Variants in CCDC146 observed in about 807,000 individuals in gnomAD.
CCDC146 encodes coiled-coil domain containing 146.
Under a neutral mutation model 119.3 loss-of-function variants are expected in CCDC146, and 92 were observed. The ratio of observed to expected loss-of-function variants is 0.77; its 90% CI spans 0.65 to 0.92. The LOEUF is 0.92. CCDC146 is among the 40% of genes least tolerant of loss of function. The probability of loss-of-function intolerance (pLI) is 0.00; values close to 1 mark genes in which losing one functional copy is unlikely to be tolerated. For synonymous variants in CCDC146, 372 were observed against 371.8 expected (o/e 1.00, Z -0.01); for missense variants, 1,000 against 1,103.0 (o/e 0.91, Z 1.32).
chr7:77,256,183 T>G (rs1400101411), intron 5 of CCDC146, 150 bp from the exon 6 acceptor site: 1 of 564,376 alleles, frequency 1.8e-6, no homozygotes, highest in East Asian at 3.3e-5. Context: ...TTTAGCTTTA[T>G]GAGAAATCAT....
chr7:77,211,192 A>G (rs1792175429), intron 2 of CCDC146, among the ~76,000 whole-genome samples: 1 of 152,172 alleles, frequency 6.6e-6, no homozygotes, highest in South Asian at 2.1e-4. Flanking sequence ...CCCCTCTAAC[A>G]TAGCGACTAT....
At chr7:77,163,772 C>T (rs1252572157) in intron 1 of CCDC146, among the ~76,000 whole-genome samples, 1 of 151,166 alleles carries the variant, frequency 6.6e-6, no homozygotes, top group African/African-American at 2.4e-5. Flanking sequence ...TGTTGAAGCT[C>T]GTTAATGTGT....
intron 1 of CCDC146, among the ~76,000 whole-genome samples, chr7:77,148,853 T>G (rs1357914293): frequency 6.6e-6 from 1 of 151,830 alleles, no homozygotes; most frequent in African/African-American, 2.4e-5. Flanking sequence ...TGGAAAAACA[T>G]TCCATGCTCA....
chr7:77,182,493 C>G (rs1004294571), intron 2 of CCDC146, among the ~76,000 whole-genome samples: 2 of 152,006 alleles, frequency 1.3e-5, no homozygotes, highest in African/African-American at 4.8e-5. Context: ...GATTTGAGGC[C>G]AGGCGTGGTG....
At chr7:77,217,560 TATAGAG>T (rs1457208018) in intron 2 of CCDC146, among the ~76,000 whole-genome samples, 230 of 137,572 alleles carry the variant, frequency 1.7e-3, no homozygotes, top group Middle Eastern at 3.7e-3. Flanking sequence ...CATATATATA[TATAGAG>T]AGAGAGAGAG....
intron 2 of CCDC146, among the ~76,000 whole-genome samples, chr7:77,223,985 T>C (rs1282483745): frequency 1.3e-5 from 2 of 152,146 alleles, no homozygotes; most frequent in Admixed American, 1.3e-4. Context: ...ACTGAGATGC[T>C]TTAAAGGAAG....
At chr7:77,288,492 G>T (rs769254674) in intron 17 of CCDC146, among the ~76,000 whole-genome samples, 1 of 152,158 alleles carries the variant, frequency 6.6e-6, no homozygotes, top group Non-Finnish European at 1.5e-5. Context: ...GTCCGTGCAG[G>T]CACGGGACTC....
intron 13 of CCDC146, among the ~76,000 whole-genome samples, chr7:77,279,555 T>TGGGAGGC (rs1793724574): frequency 6.6e-6 from 1 of 152,236 alleles, no homozygotes; most frequent in Non-Finnish European, 1.5e-5. Context: ...ATTGTAGATG[T>TGGGAGGC]AAAGCATCTC....
intron 3 of CCDC146, among the ~76,000 whole-genome samples, chr7:77,239,990 T>C (rs1792813465): frequency 6.6e-6 from 1 of 152,244 alleles, no homozygotes; most frequent in African/African-American, 2.4e-5. Context: ...TGTAAATTTA[T>C]TTATATTCAT....
intron 2 of CCDC146, chr7:77,198,657 CAT>C (rs1213941463): frequency 6.5e-6 from 1 of 153,682 alleles, no homozygotes; most frequent in Non-Finnish European, 1.4e-5. Context: ...TTTGTGCACA[CAT>C]ATGAAACTGC....
intron 2 of CCDC146, among the ~76,000 whole-genome samples, chr7:77,189,544 A>G (rs1791726835): frequency 6.6e-6 from 1 of 152,128 alleles, no homozygotes; most frequent in Non-Finnish European, 1.5e-5. Flanking sequence ...CCTCTGCTCA[A>G]AACCCTTACG....
chr7:77,125,390 A>T (rs1790678857), intron 1 of CCDC146, among the ~76,000 whole-genome samples: 2 of 151,718 alleles, frequency 1.3e-5, no homozygotes, highest in Admixed American at 6.6e-5. Context: ...ACATAAAATT[A>T]TACTTTACAG....
intron 2 of CCDC146, among the ~76,000 whole-genome samples, chr7:77,192,714 G>A (rs1365424064): frequency 2.0e-5 from 3 of 152,104 alleles, no homozygotes; most frequent in African/African-American, 7.2e-5. Flanking sequence ...CACGAGGTCA[G>A]GAGATCGAGA....
intron 3 of CCDC146, 67 bp from the exon 4 acceptor site, chr7:77,241,623 AC>A: frequency 7.5e-7 from 1 of 1,338,064 alleles, no homozygotes. Flanking sequence ...TCCTCACTAG[AC>A]CCCCACAGGA....
At chr7:77,271,844 C>A (rs1793529102) in intron 9 of CCDC146, among the ~76,000 whole-genome samples, 1 of 152,062 alleles carries the variant, frequency 6.6e-6, no homozygotes, top group Non-Finnish European at 1.5e-5. Flanking sequence ...AGTGTCTAGA[C>A]CTCAAGCCAG....
chr7:77,212,693 TAATA>T lies in CCDC146; in HGVS notation c.157-24243_157-24240del, dbSNP rs1187750505. Among the ~76,000 whole-genome samples, 26 of 144,542 alleles carry T rather than the reference TAATA, an allele frequency of 1.8e-4. No individual in the cohort carries two copies. The East Asian group carries it at 4.9e-3, about 27-fold the overall frequency. 94.8% of individuals were successfully genotyped at this position (144,542 alleles called of 152,430 possible). On this transcript the variant is annotated intron_variant, in intron 2 of 18. Coordinates refer to ENST00000285871, the MANE Select transcript of CCDC146 (RefSeq NM_020879.3). ...GATATGTCTCAAATAAATAAACAAA[TAATA>T]AATAAATAAACAAAAAAGAAAAGAG...
At position 77,122,632 on chromosome 7, in the gene CCDC146, CTTCTT is replaced by C. The variant is rs1790638396; in HGVS notation, c.-111_-107del. On this transcript the variant is annotated 5_prime_UTR_variant, in exon 1 of 19. Coordinates refer to ENST00000285871, the MANE Select transcript of CCDC146 (RefSeq NM_020879.3). ...GTCACCTTGGATACCAAGGACGCGA[CTTCTT>C]GTTTGGAGAGGGTGGAGCTTTGGAG... is the stretch of plus-strand genomic sequence containing the variant. 1 of 211,772 alleles carries C rather than the reference CTTCTT, an allele frequency of 4.7e-6. No homozygotes were observed. The highest frequency in any genetic ancestry group is 9.8e-6 in the Non-Finnish European group (1 of 101,586). 13.1% of individuals were successfully genotyped at this position (211,772 alleles called of 1,614,324 possible). A position where few individuals can be genotyped will look rare whatever the true frequency, so the allele number is the denominator to read the frequency against.
At chr7:77,158,176 G>T (rs1446495479) in intron 1 of CCDC146, among the ~76,000 whole-genome samples, 16 of 152,052 alleles carry the variant, frequency 1.1e-4, no homozygotes, top group Admixed American at 1.0e-3. Context: ...ATGTGACAGA[G>T]AACTAGTTCT....
chr7:77,263,859 G>T (rs940545566), intron 9 of CCDC146, among the ~76,000 whole-genome samples: 1 of 152,198 alleles, frequency 6.6e-6, no homozygotes, highest in African/African-American at 2.4e-5. Context: ...GGGAGGCGGA[G>T]GTTGCAGTGA....
Sources: allele counts gnomAD v4.1 joint callset (sites outside exome capture counted in the v4.1 genomes callset), GRCh38; gene constraint gnomAD v4.1.1; transcripts MANE v1.5; gene names NCBI Gene and HGNC (gene_info 2026-07-23, HGNC 2026-07-21).